The following ETS1 variants were observed in gnomAD, a reference collection of about 807,000 sequenced individuals.
The protein encoded by ETS1 is protein C-ets-1.
In ETS1, 15 loss-of-function variants were observed where a neutral mutation model predicts 58.6. That is an observed-to-expected ratio of 0.26 (90% CI 0.17 to 0.39). The LOEUF (loss-of-function observed/expected upper bound fraction) is 0.39, where lower values mean the gene tolerates loss of function less well. Among genes scored for constraint, ETS1 ranks in the 10% least tolerant of loss-of-function variants. ETS1 has a pLI of 1.00. For missense variants in ETS1, 417 were observed against 610.5 expected, an observed-to-expected ratio of 0.68 and a Z score of 3.34; for synonymous variants, 214 against 218.2, an observed-to-expected ratio of 0.98 and a Z score of 0.17.
At position 128,569,318 on chromosome 11, in the gene ETS1, C is replaced by CTTTTTTTTTTTTTTTTTTTTTTTT; in HGVS notation, c.69+3720_69+3743dup. ...TACCATACATGGGACAGAGTTTCTT[C>CTTTTTTTTTTTTTTTTTTTTTTTT]TTTTTTTTTTTTTTTTTTTTTTTTG... On this transcript the variant is annotated intron_variant, in intron 2 of 9. Transcript: ENST00000392668. 3.8e-3 allele frequency among the ~76,000 whole-genome samples: 151 copies of CTTTTTTTTTTTTTTTTTTTTTTTT among 39,470 alleles called. 54 individuals carry two copies. Among genetic ancestry groups the CTTTTTTTTTTTTTTTTTTTTTTTT allele is most frequent in the Middle Eastern group, 0.024 (1 of 42 alleles). 25.9% of individuals were successfully genotyped at this position (39,470 alleles called of 152,430 possible). A position where few individuals can be genotyped will look rare whatever the true frequency, so the allele number is the denominator to read the frequency against.
intron 3 of ETS1, among the ~76,000 whole-genome samples, chr11:128,498,583 T>C (rs1374647410): frequency 6.6e-6 from 1 of 152,074 alleles, no homozygotes; most frequent in African/African-American, 2.4e-5. Context: ...GTCCTAAGAG[T>C]TCCACTTTAG....
intron 3 of ETS1, among the ~76,000 whole-genome samples, chr11:128,543,574 T>G (rs1320460760): frequency 3.9e-5 from 6 of 152,238 alleles, no homozygotes; most frequent in Admixed American, 3.9e-4. Flanking sequence ...GCCCAGCTCA[T>G]GCCTCCTTTT....
At chr11:128,462,697 T>C (rs770209045) in intron 9 of ETS1, 121 bp from the exon 10 acceptor site, 59 of 709,904 alleles carry the variant, frequency 8.3e-5, no homozygotes, top group Non-Finnish European at 1.2e-4. Flanking sequence ...TCAAGTAAGA[T>C]GATTTGAGAT....
intron 3 of ETS1, among the ~76,000 whole-genome samples, chr11:128,501,323 A>C (rs190772120): frequency 6.6e-6 from 1 of 152,326 alleles, no homozygotes; most frequent in African/African-American, 2.4e-5. Context: ...ACTGGTGCAG[A>C]CTAAGACAAC....
At chr11:128,540,891 C>A (rs961595084) in intron 3 of ETS1, among the ~76,000 whole-genome samples, 2 of 152,172 alleles carry the variant, frequency 1.3e-5, no homozygotes, top group East Asian at 3.8e-4. Context: ...AAAATCAACA[C>A]AGGAGAGAGA....
intron 8 of ETS1, among the ~76,000 whole-genome samples, chr11:128,473,639 G>T (rs541422269): frequency 6.6e-6 from 1 of 152,174 alleles, no homozygotes; most frequent in South Asian, 2.1e-4. Context: ...TTCTCTACCT[G>T]CAGGCATCCC....
At chr11:128,536,176 T>G (rs893399374) in intron 3 of ETS1, among the ~76,000 whole-genome samples, 2 of 152,190 alleles carry the variant, frequency 1.3e-5, no homozygotes, top group African/African-American at 4.8e-5. Flanking sequence ...AGACCCTCAT[T>G]TTTATATAGA....
Position 128,549,371 on chromosome 11 carries a change from G to A in ETS1, c.214+6920C>T, listed in dbSNP as rs1864192640. Among the ~76,000 whole-genome samples, 1 of 152,148 alleles carries A rather than the reference G, an allele frequency of 6.6e-6. No individual in the cohort carries two copies. The highest frequency in any genetic ancestry group is 2.4e-5 in the African/African-American group (1 of 41,432). The stretch of plus-strand genomic sequence containing the variant: ...CAGTGCCGCGGCCGGAGCCGAGCGG[G>A]GCCTGACGCCAGCCGGCGGCGTCCA... On this transcript the variant is annotated intron_variant, in intron 3 of 9. Coordinates refer to ENST00000392668, the MANE Select transcript of ETS1 (RefSeq NM_001143820.2). This position sits in a 1 kb window ranked among gnomAD's most constrained non-coding sequence, Gnocchi z 4.3.
At chr11:128,573,204 A>G (rs7935393) in intron 1 of ETS1, 60 bp from the exon 2 acceptor site, 1 of 1,227,758 alleles carries the variant, frequency 8.1e-7, no homozygotes, top group East Asian at 2.5e-5. Context: ...GGATTAGAAT[A>G]CACAAGGAAG....
chr11:128,548,097 G>GAAGGAAAGGA (rs1396521380), intron 3 of ETS1, among the ~76,000 whole-genome samples: 1 of 67,644 alleles, frequency 1.5e-5, no homozygotes, highest in African/African-American at 8.7e-5. Context: ...AAAGAGCGAG[G>GAAGGAAAGGA]AAGGAAAGGA....
chr11:128,541,540 CA>C (rs1467284271), intron 3 of ETS1, among the ~76,000 whole-genome samples: 1 of 152,176 alleles, frequency 6.6e-6, no homozygotes, highest in African/African-American at 2.4e-5. Context: ...AACCATAACA[CA>C]AAAAGTCTTC....
intron 3 of ETS1, among the ~76,000 whole-genome samples, chr11:128,532,919 C>T (rs1295421880): frequency 6.6e-6 from 1 of 152,146 alleles, no homozygotes; most frequent in African/African-American, 2.4e-5. Flanking sequence ...TCAAGTCAGC[C>T]CATTGTAAAG....
rs538167628 is a variant in ETS1 at position 128,475,852 on chromosome 11, G to A, written c.1123+4339C>T. On this transcript the variant is annotated intron_variant, in intron 8 of 9. Transcript: ENST00000392668. ...AGGCGTGAGCCACCGCACCCGGCCC[G>A]GGGCTTCTTTTCCTGCAAGACTAGT... is the stretch of plus-strand genomic sequence containing the variant. Among the ~76,000 whole-genome samples the A allele has an allele frequency of 5.3e-5, 8 of 151,366 alleles. No homozygotes were observed. In the East Asian group the frequency reaches 5.9e-4, roughly 11 times the overall value.
At chr11:128,561,198 C>A (rs532093806) in intron 2 of ETS1, among the ~76,000 whole-genome samples, 1 of 152,178 alleles carries the variant, frequency 6.6e-6, no homozygotes, top group African/African-American at 2.4e-5. Context: ...GAGAGCCATG[C>A]AGGCCAAGCA....
At chr11:128,579,445 C>G (rs1024228338) in intron 1 of ETS1, among the ~76,000 whole-genome samples, 1 of 151,996 alleles carries the variant, frequency 6.6e-6, no homozygotes, top group Admixed American at 6.6e-5. Context: ...GCGGACCACC[C>G]AAGGTCAGGA....
intron 1 of ETS1, among the ~76,000 whole-genome samples, chr11:128,585,288 A>AAGAT (rs537081247): frequency 7.0e-6 from 1 of 143,766 alleles, no homozygotes; most frequent in African/African-American, 2.6e-5. Flanking sequence ...AAAGAAAAGA[A>AAGAT]AGATAGAAAG....
At chr11:128,553,941 GA>G (rs1864273605) in intron 3 of ETS1, among the ~76,000 whole-genome samples, 1 of 151,906 alleles carries the variant, frequency 6.6e-6, no homozygotes, top group South Asian at 2.1e-4. Flanking sequence ...AAAAGAAGAT[GA>G]AAAAAATGTC....
At chr11:128,538,488 G>C (rs995416235) in intron 3 of ETS1, among the ~76,000 whole-genome samples, 4 of 152,090 alleles carry the variant, frequency 2.6e-5, no homozygotes, top group African/African-American at 9.7e-5. Context: ...TTTCATACCA[G>C]GCTACAGAGT....
At chr11:128,576,622 C>T (rs1344244965) in intron 1 of ETS1, among the ~76,000 whole-genome samples, 1 of 152,100 alleles carries the variant, frequency 6.6e-6, no homozygotes, top group Admixed American at 6.5e-5. Flanking sequence ...CCACCTGAGC[C>T]GCAGGATAAG....
Sources: gnomAD v4.1 joint callset for allele counts (sites outside exome capture counted in the v4.1 genomes callset) on GRCh38, gnomAD v4.1.1 for gene constraint, Gnocchi (gnomAD v3.1) non-coding constraint, MANE v1.5 for transcripts, NCBI Gene and HGNC (gene_info 2026-07-23, HGNC 2026-07-21) for gene names.